The following DTNA variants were observed in gnomAD, a reference collection of about 807,000 sequenced individuals.
DTNA encodes the protein dystrobrevin alpha.
In DTNA, 43 loss-of-function variants were observed where a neutral mutation model predicts 100.7. The ratio of observed to expected loss-of-function variants is 0.43; its 90% CI spans 0.33 to 0.55. The LOEUF (loss-of-function observed/expected upper bound fraction) is 0.55, where lower values mean the gene tolerates loss of function less well. Among genes scored for constraint, DTNA ranks in the 20% least tolerant of loss-of-function variants. DTNA has a pLI of 0.04. For missense variants in DTNA, 798 were observed against 953.9 expected, an observed-to-expected ratio of 0.84 and a Z score of 2.15; for synonymous variants, 349 against 347.9, an observed-to-expected ratio of 1.00 and a Z score of -0.04.
chr18:34,498,176 G>A (rs2039467039), intron 1 of DTNA, among the ~76,000 whole-genome samples: 1 of 152,096 alleles, frequency 6.6e-6, no homozygotes, highest in Admixed American at 6.6e-5. Flanking sequence ...AGCACTTTGG[G>A]AGGCTTAAGC....
intron 1 of DTNA, among the ~76,000 whole-genome samples, chr18:34,631,143 G>A (rs529949631): frequency 1.3e-5 from 2 of 152,284 alleles, no homozygotes; most frequent in South Asian, 2.1e-4. Context: ...ATGCATTATA[G>A]TAGAGGGGTT....
At chr18:34,532,770 A>ATATATG (rs142935223) in intron 1 of DTNA, among the ~76,000 whole-genome samples, 3 of 149,846 alleles carry the variant, frequency 2.0e-5, no homozygotes, top group Admixed American at 1.3e-4. Flanking sequence ...ATATATATAT[A>ATATATG]TGTGTGTGTG....
At chr18:34,715,478 T>G (rs986954190) in intron 1 of DTNA, among the ~76,000 whole-genome samples, 1 of 150,470 alleles carries the variant, frequency 6.6e-6, no homozygotes, top group South Asian at 2.1e-4. Context: ...GTTTTTAATT[T>G]TTTAATTATT....
At chr18:34,698,332 T>TACAAAGGTG (rs2080885936) in intron 1 of DTNA, among the ~76,000 whole-genome samples, 1 of 152,188 alleles carries the variant, frequency 6.6e-6, no homozygotes, top group Non-Finnish European at 1.5e-5. Context: ...AGGCAAAAAG[T>TACAAAGGTG]CTGAAATTGA....
Position 34,553,701 on chromosome 18 carries a change from G to A in DTNA, c.-2+60187G>A, listed in dbSNP as rs879080102. Among the ~76,000 whole-genome samples the A allele has an allele frequency of 1.4e-3, 205 of 150,554 alleles. 3 individuals are homozygous for A. The highest frequency in any genetic ancestry group is 4.6e-3 in the African/African-American group (189 of 41,320). ...GATCAGATAGTTGTAGATATGCGGCGTTATTTCTGAGGGCTCTGTTCTGTT... is the reference window on the plus strand; with the variant it reads ...GATCAGATAGTTGTAGATATGCGGCATTATTTCTGAGGGCTCTGTTCTGTT... On this transcript the variant is annotated intron_variant, in intron 1 of 19. Transcript: ENST00000283365.
chr18:34,869,898 G>A (rs907824224), intron 17 of DTNA, among the ~76,000 whole-genome samples: 11 of 152,198 alleles, frequency 7.2e-5, no homozygotes, highest in Admixed American at 5.2e-4. Context: ...GCAGGCGCCT[G>A]TAGTCCCAGC....
chr18:34,746,772 T>G (rs1343084641), intron 1 of DTNA, among the ~76,000 whole-genome samples: 1 of 152,108 alleles, frequency 6.6e-6, no homozygotes, highest in East Asian at 1.9e-4. Flanking sequence ...TTCCAAAAAG[T>G]TCCTTTCCAC....
At chr18:34,801,378 G>C (rs1013242203) in intron 4 of DTNA, among the ~76,000 whole-genome samples, 2 of 151,982 alleles carry the variant, frequency 1.3e-5, no homozygotes, top group Non-Finnish European at 2.9e-5. Context: ...CTTAGAAACA[G>C]AACATATTCC....
intron 1 of DTNA, among the ~76,000 whole-genome samples, chr18:34,740,688 C>T (rs1004270353): frequency 1.3e-5 from 2 of 151,868 alleles, no homozygotes; most frequent in East Asian, 1.9e-4. Flanking sequence ...CCCCATTACT[C>T]GGGAGGCTGA....
At chr18:34,509,528 A>T (rs984367531) in intron 1 of DTNA, among the ~76,000 whole-genome samples, 1 of 152,148 alleles carries the variant, frequency 6.6e-6, no homozygotes, top group Non-Finnish European at 1.5e-5. Context: ...AATGTTTATC[A>T]TAAGAGTGTA....
intron 1 of DTNA, among the ~76,000 whole-genome samples, chr18:34,575,426 T>G (rs1972846895): frequency 6.6e-6 from 1 of 152,204 alleles, no homozygotes; most frequent in South Asian, 2.1e-4. Flanking sequence ...CACTGTCCAT[T>G]TCATCTCTAA....
chr18:34,533,142 G>A (rs553790521), intron 1 of DTNA, among the ~76,000 whole-genome samples: 4 of 151,744 alleles, frequency 2.6e-5, no homozygotes, highest in Non-Finnish European at 4.4e-5. Flanking sequence ...AGGCTGAGGC[G>A]GGTGGATCAC....
chr18:34,882,782 T>A (rs996221594), intron 21 of DTNA, among the ~76,000 whole-genome samples: 6 of 152,226 alleles, frequency 3.9e-5, no homozygotes, highest in African/African-American at 1.4e-4. Context: ...TTCAGGCCCA[T>A]TAAGAAAGAT....
At chr18:34,609,725 C>T (rs1028102382) in intron 1 of DTNA, among the ~76,000 whole-genome samples, 1 of 152,092 alleles carries the variant, frequency 6.6e-6, no homozygotes, top group African/African-American at 2.4e-5. Flanking sequence ...GTCTACTTGC[C>T]TGTGATTTTG....
chr18:34,671,220 C>A (rs1014038821), intron 1 of DTNA, among the ~76,000 whole-genome samples: 4 of 152,148 alleles, frequency 2.6e-5, no homozygotes, highest in Non-Finnish European at 5.9e-5. Flanking sequence ...GGCGTGAGAC[C>A]CTCCGAGCCA....
At chr18:34,749,495 A>G (rs1289401261) in intron 1 of DTNA, among the ~76,000 whole-genome samples, 2 of 151,978 alleles carry the variant, frequency 1.3e-5, no homozygotes, top group Admixed American at 6.6e-5. Flanking sequence ...AGGTATTTGC[A>G]TTTTTGATTA....
chr18:34,677,034 A>G lies in DTNA; in HGVS notation c.-1-78942A>G, dbSNP rs117220974. Reference sequence around the variant, plus strand: ...AAGAATTGAGGGTATTCAGCTCTGCATACTCTGGAGTTGCCATGCAGGATA... The same window carrying G: ...AAGAATTGAGGGTATTCAGCTCTGCGTACTCTGGAGTTGCCATGCAGGATA... On this transcript the variant is annotated intron_variant, in intron 1 of 19. Coordinates refer to the DTNA transcript ENST00000283365. Among the ~76,000 whole-genome samples, 1,286 of 152,304 alleles carry G rather than the reference A, an allele frequency of 8.4e-3. 13 individuals are homozygous for G. The highest frequency in any genetic ancestry group is 0.014 in the Non-Finnish European group (957 of 68,022).
At chr18:34,647,065 A>G (rs575366780) in intron 1 of DTNA, among the ~76,000 whole-genome samples, 2 of 143,060 alleles carry the variant, frequency 1.4e-5, no homozygotes, top group Admixed American at 6.9e-5. Context: ...AGTGAGATAG[A>G]CCCATGTTTT....
intron 7 of DTNA, among the ~76,000 whole-genome samples, chr18:34,816,522 C>A (rs2095601290): frequency 6.6e-6 from 1 of 152,036 alleles, no homozygotes. Flanking sequence ...CGTATCATGT[C>A]TTTTTTTAAA....
Sources: gnomAD v4.1 joint callset for allele counts (sites outside exome capture counted in the v4.1 genomes callset) on GRCh38, gnomAD v4.1.1 for gene constraint, MANE v1.5 for transcripts, NCBI Gene and HGNC (gene_info 2026-07-23, HGNC 2026-07-21) for gene names.